CCL14: variants seen among roughly 807,000 people sequenced by gnomAD.
CCL14 encodes the protein C-C motif chemokine ligand 14.
In CCL14, 8 loss-of-function variants were observed where a neutral mutation model predicts 8.2. The observed-to-expected ratio is 0.98, with a 90% CI of 0.57 to 1.76. CCL14 has a LOEUF of 1.76. Among genes scored for constraint, CCL14 ranks in the 40% most tolerant of loss-of-function variants. CCL14 has a pLI of 0.00. For synonymous variants in CCL14, 50 were observed against 43.2 expected (o/e 1.16, Z -0.62); for missense variants, 127 against 118.3 (o/e 1.07, Z -0.34).
rs775196978 is a variant in CCL14 at position 35,983,795 on chromosome 17, G to A, written c.*6C>T. On this transcript the variant is annotated 3_prime_UTR_variant, in exon 3 of 3. Transcript: ENST00000618404. ...AGCTGTGCCTTCGCCACCCCTTCTG[G>A]GTCACTCAGTTCTCCTTCATGTCCT... 2 of 1,606,174 alleles carry A rather than the reference G, an allele frequency of 1.2e-6. No homozygotes were observed. The highest frequency in any genetic ancestry group is 2.7e-5 in the African/African-American group (2 of 74,732).
intron 1 of CCL14, chr17:35,985,208 C>T (rs1428677416): frequency 6.4e-6 from 1 of 155,438 alleles, no homozygotes; most frequent in Non-Finnish European, 1.4e-5. Flanking sequence ...TGTCTTGTAC[C>T]CTACTCAACC....
chr17:35,985,912 C>T (rs767612759), intron 1 of CCL14: 3 of 813,914 alleles, frequency 3.7e-6, no homozygotes, highest in African/African-American at 1.7e-5. Flanking sequence ...CCCACACTGT[C>T]GTGTTTCCCC....
rs1316324158 is a variant in CCL14, at chr17:35,983,467, G to A, written c.*334C>T. 4 of 280,794 alleles carry A rather than the reference G, an allele frequency of 1.4e-5. No homozygotes were observed. Among genetic ancestry groups the A allele is most frequent in the African/African-American group, 8.6e-5 (4 of 46,428 alleles). 17.4% of individuals were successfully genotyped at this position (280,794 alleles called of 1,614,324 possible). ...CTGCTACTGTTGTTGCTGAGGAGGA[G>A]ACGGTCTTTACACTGCTTTTCTTTC... On this transcript the variant is annotated 3_prime_UTR_variant, in exon 3 of 3. Transcript: ENST00000618404.
intron 1 of CCL14, 65 bp downstream of exon 1, chr17:35,986,506 A>T: frequency 7.4e-7 from 1 of 1,351,732 alleles, no homozygotes; most frequent in Non-Finnish European, 1.1e-6. Flanking sequence ...CCTGAGCCCC[A>T]ACCTCACTCC....
intron 1 of CCL14, chr17:35,985,696 C>A: frequency 6.7e-7 from 1 of 1,485,200 alleles, no homozygotes; most frequent in Non-Finnish European, 9.2e-7. Context: ...CCACCTTGTT[C>A]CTCTGAGCTG....
At position 35,986,653 on chromosome 17, in the gene CCL14, G is replaced by A. The variant is rs377492493; in HGVS notation, c.-4C>T. The A allele has an allele frequency of 6.2e-7, 1 of 1,613,162 alleles. No individual in the cohort carries two copies. The highest frequency in any genetic ancestry group is 8.5e-7 in the Non-Finnish European group (1 of 1,179,262). The stretch of plus-strand genomic sequence containing the variant: ...TGGCAGCCACGGAGATCTTCATGCT[G>A]TGGGAAGCTGTTGTGGGAGGAGAGC... On this transcript the variant is annotated 5_prime_UTR_variant, in exon 1 of 3. Transcript: ENST00000618404.
intron 1 of CCL14, 44 bp downstream of exon 1, chr17:35,986,527 C>T (rs760999443): frequency 6.6e-7 from 1 of 1,508,152 alleles, no homozygotes; most frequent in Non-Finnish European, 9.2e-7. Flanking sequence ...TGCTTATTTC[C>T]CTGCAGGCTC....
At chr17:35,985,287 A>C (rs2089746372) in intron 1 of CCL14, 1 of 163,664 alleles carries the variant, frequency 6.1e-6, no homozygotes, top group Non-Finnish European at 1.3e-5. Context: ...TTGTGGTCTA[A>C]AAAGTTTTAA....
intron 2 of CCL14, 143 bp from the exon 3 acceptor site, chr17:35,984,031 C>T (rs1252748640): frequency 5.7e-6 from 4 of 705,198 alleles, no homozygotes; most frequent in Admixed American, 2.1e-5. Context: ...AGCCAGTCTC[C>T]TCTCTGAGAC....
In CCL14 at chr17:35,984,345, C is replaced by A; in HGVS notation, c.187G>T (p.Gly63Ter). 1 of 1,610,866 alleles carries A rather than the reference C, an allele frequency of 6.2e-7. No homozygotes were observed. Among genetic ancestry groups the A allele is most frequent in the Non-Finnish European group, 8.5e-7 (1 of 1,177,200 alleles). The change falls in exon 2 of 3, where the codon GGA (glycine) becomes TGA (stop). Residue 63 changes from glycine (G) to a stop codon, truncating the protein, a stop_gained. Transcript: ENST00000618404. LOFTEE classifies it low-confidence loss of function (END_TRUNC). ...YETNSQCSKP[G>*]IVFITKRGHS... is the part of the protein sequence containing the mutation. ...TGTGTGTGTACCACCTACACAATTC[C>A]GGGCTTGGAGCACTGGCTGTTGGTC...
chr17:35,986,163 G>A (rs1024976144), intron 1 of CCL14: 4 of 368,414 alleles, frequency 1.1e-5, no homozygotes, highest in Admixed American at 4.4e-5. Flanking sequence ...TGAGGGCAAG[G>A]GGGGACTGGT....
intron 1 of CCL14, chr17:35,985,986 C>G (rs1367131553): frequency 3.5e-6 from 2 of 578,790 alleles, no homozygotes; most frequent in Non-Finnish European, 6.0e-6. Context: ...CAGGCTGGGC[C>G]CAAACCTCAG....
chr17:35,986,708 C>A lies in CCL14; in HGVS notation c.-59G>T, dbSNP rs143984784. 3.8e-5 allele frequency: 48 copies of A among 1,249,314 alleles called. No homozygotes were observed. The highest frequency in any genetic ancestry group is 5.5e-5 in the Non-Finnish European group (47 of 849,400). 77.4% of individuals were successfully genotyped at this position (1,249,314 alleles called of 1,614,324 possible). ...CTGGTGGGAGCTTCAGAGGCTCCTG[C>A]GGTGAGGAATTGTTGAGAAATGATC... is the stretch of plus-strand genomic sequence containing the variant. On this transcript the variant is annotated 5_prime_UTR_variant, in exon 1 of 3. Coordinates refer to ENST00000618404, the MANE Select transcript of CCL14 (RefSeq NM_032963.4).
At position 35,983,902 on chromosome 17, in the gene CCL14, G is replaced by A; in HGVS notation, c.195-14C>T. The A allele has an allele frequency of 6.2e-7, 1 of 1,605,054 alleles. No homozygotes were observed. The highest frequency in any genetic ancestry group is 8.5e-7 in the Non-Finnish European group (1 of 1,171,802). On this transcript the variant is annotated splice_polypyrimidine_tract_variant and intron_variant, in intron 2 of 2. Coordinates refer to ENST00000618404, the MANE Select transcript of CCL14 (RefSeq NM_032963.4). ...TTGGTGATGAAGCTGTGGAGCAAGA[G>A]GGAGAAGGATCACAAACCGAGGGGC...
intron 1 of CCL14, chr17:35,985,660 G>T: frequency 8.6e-7 from 1 of 1,168,426 alleles, no homozygotes; most frequent in Non-Finnish European, 1.2e-6. Context: ...TGTTTCCTGA[G>T]ACCCAGTCAG....
At chr17:35,986,337 C>A in intron 1 of CCL14, 1 of 520,712 alleles carries the variant, frequency 1.9e-6, no homozygotes, top group Non-Finnish European at 3.4e-6. Context: ...AACTCTTAAG[C>A]AGAACCTACA....
intron 1 of CCL14, chr17:35,985,567 T>G: frequency 1.6e-6 from 1 of 607,744 alleles, no homozygotes; most frequent in Non-Finnish European, 2.9e-6. Flanking sequence ...TGGCCAGATG[T>G]CTGGGTGGAA....
Position 35,983,650 on chromosome 17 carries a change from G to T in CCL14, c.*151C>A. ...AGTAAATCCCGTAGAAAGGAATGAG[G>T]CCAGGGAAGAGCATGAGTGGTCTTT... On this transcript the variant is annotated 3_prime_UTR_variant, in exon 3 of 3. Transcript: ENST00000618404. The T allele has an allele frequency of 1.5e-6, 1 of 649,932 alleles. No individual in the cohort carries two copies. Among genetic ancestry groups the T allele is most frequent in the South Asian group, 1.8e-5 (1 of 55,574 alleles). 40.3% of individuals were successfully genotyped at this position (649,932 alleles called of 1,614,324 possible).
In CCL14 at chr17:35,984,351, T is replaced by G. The variant is rs16971802; in HGVS notation, c.181A>C (p.Lys61Gln). The change falls in exon 2 of 3, where the codon AAG (lysine) becomes CAG (glutamine). Residue 61 changes from lysine (K) to glutamine (Q), a missense_variant. By Grantham distance (53) the Lys-to-Gln change is moderately conservative. Coordinates refer to ENST00000618404, the MANE Select transcript of CCL14 (RefSeq NM_032963.4). ...TGTACCACCTACACAATTCCGGGCT[T>G]GGAGCACTGGCTGTTGGTCTCATAG... ...DYYETNSQCS[K>Q]PGIVFITKRG... 8 of 1,612,534 alleles carry G rather than the reference T, an allele frequency of 5.0e-6. No individual in the cohort carries two copies. In the African/African-American group the frequency reaches 1.1e-4, roughly 22 times the overall value.
Sources: allele counts gnomAD v4.1 joint callset, GRCh38; gene constraint gnomAD v4.1.1; transcripts MANE v1.5; gene names NCBI Gene and HGNC (gene_info 2026-07-23, HGNC 2026-07-21).